The following PRRC2B variants were observed in gnomAD, a reference collection of about 807,000 sequenced individuals.
The protein encoded by PRRC2B is proline rich coiled-coil 2B, also known as protein PRRC2B.
Under a neutral mutation model 242.3 loss-of-function variants are expected in PRRC2B, and 68 were observed. That is an observed-to-expected ratio of 0.28 (90% CI 0.23 to 0.34). The LOEUF is 0.34. Ranked by LOEUF, PRRC2B falls within the 10% of genes least tolerant of loss-of-function variation. PRRC2B has a pLI of 1.00. For missense variants in PRRC2B, 2,835 were observed against 2,954.8 expected, an observed-to-expected ratio of 0.96 and a Z score of 0.94; for synonymous variants, 1,228 against 1,173.6, an observed-to-expected ratio of 1.05 and a Z score of -0.95.
At chr9:131,411,029 G>A (rs1479836665) in intron 1 of PRRC2B, among the ~76,000 whole-genome samples, 3 of 152,106 alleles carry the variant, frequency 2.0e-5, no homozygotes, top group Non-Finnish European at 4.4e-5. Context: ...GCCGAGGAGG[G>A]CGGATCACCT....
intron 2 of PRRC2B, among the ~76,000 whole-genome samples, chr9:131,432,017 C>A (rs2131327126): frequency 6.6e-6 from 1 of 151,902 alleles, no homozygotes; most frequent in East Asian, 1.9e-4. Context: ...TGGTCTCGAA[C>A]TCCTGGGCTC....
rs147547326 is a variant in PRRC2B, at chr9:131,460,811, G to T, written c.1404+1455G>T. 3.0e-3 allele frequency among the ~76,000 whole-genome samples: 451 copies of T among 152,086 alleles called. 3 individuals are homozygous for T. Among genetic ancestry groups the T allele is most frequent in the African/African-American group, 0.01 (430 of 41,474 alleles). ...CGGATGCATGACCTGTCTTGTCCTG[G>T]GTCCGCCCTTTCTCCATGAAGTCCT... On this transcript the variant is annotated intron_variant, in intron 11 of 31. Transcript: ENST00000683519.
At chr9:131,450,936 G>A (rs1466356325) in intron 9 of PRRC2B, among the ~76,000 whole-genome samples, 1 of 152,056 alleles carries the variant, frequency 6.6e-6, no homozygotes, top group African/African-American at 2.4e-5. Context: ...CTCTTTATTA[G>A]GGCTTTCATT....
At chr9:131,489,858 C>T (rs147904506) in intron 28 of PRRC2B, among the ~76,000 whole-genome samples, 305 of 152,250 alleles carry the variant, frequency 2.0e-3, no homozygotes, top group African/African-American at 7.2e-3. Flanking sequence ...CCCCCACACC[C>T]CTCGAACCAC....
chr9:131,428,263 C>T (rs754991057), intron 1 of PRRC2B, among the ~76,000 whole-genome samples: 10 of 151,838 alleles, frequency 6.6e-5, no homozygotes, highest in East Asian at 5.8e-4. Context: ...CTCTGTTGCT[C>T]GGGCTGGAGT....
intron 19 of PRRC2B, among the ~76,000 whole-genome samples, chr9:131,481,503 CGTTGGGTGAGGATGTGGAAA>C (rs1255578997): frequency 6.6e-6 from 1 of 151,732 alleles, no homozygotes; most frequent in Non-Finnish European, 1.5e-5. Flanking sequence ...TTGAGAAACA[CGTTGGGTGAGGATGTGGAAA>C]GTTGGGTAAG....
chr9:131,445,435 AGG>A (rs1838767096), intron 6 of PRRC2B, among the ~76,000 whole-genome samples: 2 of 152,362 alleles, frequency 1.3e-5, no homozygotes, highest in East Asian at 3.9e-4. Flanking sequence ...CTGGGATTAC[AGG>A]CGTGAGCCAC....
intron 1 of PRRC2B, among the ~76,000 whole-genome samples, chr9:131,378,909 A>C (rs1352220818): frequency 4.6e-5 from 7 of 152,140 alleles, no homozygotes; most frequent in Admixed American, 4.6e-4. Context: ...AGTAGAGACG[A>C]GGTTTCACCA....
At chr9:131,397,035 C>T (rs955214100) in intron 1 of PRRC2B, among the ~76,000 whole-genome samples, 3 of 152,184 alleles carry the variant, frequency 2.0e-5, no homozygotes, top group Admixed American at 6.5e-5. Context: ...CTCCAGACCT[C>T]CTAGCTGTGG....
chr9:131,494,730 G>A lies in PRRC2B; in HGVS notation c.6555+244G>A, dbSNP rs1944284401. Among the ~76,000 whole-genome samples, 1 of 152,200 alleles carries A rather than the reference G, an allele frequency of 6.6e-6. No individual in the cohort carries two copies. The highest frequency in any genetic ancestry group is 1.5e-5 in the Non-Finnish European group (1 of 68,034). On this transcript the variant is annotated intron_variant, in intron 31 of 31. Coordinates refer to ENST00000683519, the MANE Select transcript of PRRC2B (RefSeq NM_013318.4). This position sits in a 1 kb window ranked among gnomAD's most constrained non-coding sequence, Gnocchi z 4.3. ...GAGAAGGGAGGATGCTGATTCCTCT[G>A]AGGAGGTGGTGCTGGAAGGTGGACC...
intron 1 of PRRC2B, among the ~76,000 whole-genome samples, chr9:131,398,360 G>A (rs79311198): frequency 0.045 from 6,841 of 152,336 alleles, 232 homozygotes; most frequent in Admixed American, 0.11. Flanking sequence ...TCCTTCGTCC[G>A]AGCTGAAGTG....
intron 1 of PRRC2B, among the ~76,000 whole-genome samples, chr9:131,397,312 C>A (rs1284465316): frequency 6.6e-6 from 1 of 152,188 alleles, no homozygotes; most frequent in Non-Finnish European, 1.5e-5. Context: ...CGTACAGTGG[C>A]CGTCTCCAGC....
In PRRC2B at chr9:131,464,959, A is replaced by G; in HGVS notation, c.1601A>G (p.Gln534Arg). 2 of 1,613,990 alleles carry G rather than the reference A, an allele frequency of 1.2e-6. No individual in the cohort carries two copies. Among genetic ancestry groups the G allele is most frequent in the Non-Finnish European group, 1.7e-6 (2 of 1,179,896 alleles). ...GCTGCCAAACTCAAGCAGCTGGACC[A>G]GAAGTGTAAGCAGGCACGAAAGGCA... ...ACAAKLKQLD[Q>R]KCKQARKAGE... Residue 534 changes from glutamine (Q) to arginine (R), a missense_variant, in exon 12 of 32, where the codon CAG (glutamine) becomes CGG (arginine). Physicochemically the swap from Gln to Arg is conservative, Grantham distance 43. Coordinates refer to ENST00000683519, the MANE Select transcript of PRRC2B (RefSeq NM_013318.4).
intron 16 of PRRC2B, among the ~76,000 whole-genome samples, chr9:131,477,196 T>C (rs1049770050): frequency 1.3e-5 from 2 of 151,974 alleles, no homozygotes; most frequent in African/African-American, 4.8e-5. Context: ...GACAGGGAGG[T>C]GCAGGGGCTG....
Position 131,495,938 on chromosome 9 carries a change from A to G in PRRC2B, c.*64A>G. The G allele has an allele frequency of 6.4e-7, 1 of 1,571,212 alleles. No homozygotes were observed. On this transcript the variant is annotated 3_prime_UTR_variant, in exon 32 of 32. Coordinates refer to ENST00000683519, the MANE Select transcript of PRRC2B (RefSeq NM_013318.4). ...CGGTGCCGCCATGCGGCCTCGACAC[A>G]GCCGACACTCGGGAGCCTCACCAGA...
chr9:131,482,340 G>C lies in PRRC2B; in HGVS notation c.4984-31G>C. The C allele has an allele frequency of 3.3e-6, 5 of 1,528,466 alleles. No homozygotes were observed. Among genetic ancestry groups the C allele is most frequent in the South Asian group, 1.3e-5 (1 of 79,180 alleles). The allele number at this position is 1,528,466 out of a possible 1,614,324, so 94.7% of individuals were successfully genotyped here. A position where few individuals can be genotyped will look rare whatever the true frequency, so the allele number is the denominator to read the frequency against. ...CTCTGGATAATCGAGTTGGGAGTTT[G>C]AGGCTATAACCCATTTTGTGCTCTG... is the stretch of plus-strand genomic sequence containing the variant. On this transcript the variant is annotated intron_variant, in intron 20 of 31. Transcript: ENST00000683519. This position sits in a 1 kb window ranked among gnomAD's most constrained non-coding sequence, Gnocchi z 5.2.
rs146073511 is a variant in PRRC2B, at chr9:131,420,493, C to CTTTTTT, written c.-51-9589_-51-9584dup. ...TCTTTCTTTCTTTCTTTCTTTCTTT[C>CTTTTTT]TTTTTTTTTTTTTTTTTGAGATGGA... On this transcript the variant is annotated intron_variant, in intron 1 of 31. Transcript: ENST00000683519. Among the ~76,000 whole-genome samples, 5 of 30,176 alleles carry CTTTTTT rather than the reference C, an allele frequency of 1.7e-4. 1 individual carries two copies. The highest frequency in any genetic ancestry group is 1.6e-3 in the East Asian group (1 of 612). The allele number at this position is 30,176 out of a possible 152,430, so 19.8% of individuals were successfully genotyped here. A position where few individuals can be genotyped will look rare whatever the true frequency, so the allele number is the denominator to read the frequency against.
Position 131,449,204 on chromosome 9 carries a change from C to T in PRRC2B, c.1120+1400C>T, listed in dbSNP as rs192131881. Among the ~76,000 whole-genome samples the T allele has an allele frequency of 1.0e-3, 152 of 152,242 alleles. 1 individual carries two copies. Among genetic ancestry groups the T allele is most frequent in the African/African-American group, 3.6e-3 (148 of 41,538 alleles). ...CTATATACATCATACTTCTATTTCT[C>T]TTGGGTAAGTATCTAGAATTGTTGG... is the stretch of plus-strand genomic sequence containing the variant. On this transcript the variant is annotated intron_variant, in intron 9 of 31. Coordinates refer to ENST00000683519, the MANE Select transcript of PRRC2B (RefSeq NM_013318.4).
chr9:131,393,747 C>G (rs1267344404), upstream of PRRC2B, among the ~76,000 whole-genome samples: 1 of 151,720 alleles, frequency 6.6e-6, no homozygotes, highest in Admixed American at 6.6e-5. Flanking sequence ...AGGCCGGGCC[C>G]ATGCCCTTCC....
Sources: gnomAD v4.1 joint callset for allele counts (sites outside exome capture counted in the v4.1 genomes callset) on GRCh38, gnomAD v4.1.1 for gene constraint, Gnocchi (gnomAD v3.1) non-coding constraint, MANE v1.5 for transcripts, NCBI Gene and HGNC (gene_info 2026-07-23, HGNC 2026-07-21) for gene names.